Variants in IGBP1C observed in about 807,000 individuals in gnomAD.
IGBP1C encodes the protein immunoglobulin-binding protein 1 family member C.
At chr17:58,661,648 C>G in the IGBP1C span, 1 of 649,342 alleles carries the variant, frequency 1.5e-6, no homozygotes, top group African/African-American at 1.8e-5. Flanking sequence ...TCTGGACACA[C>G]GTAAAGATTC....
the IGBP1C span, among the ~76,000 whole-genome samples, chr17:58,688,829 TG>T: frequency 6.6e-6 from 1 of 152,224 alleles, no homozygotes; most frequent in African/African-American, 2.4e-5. Flanking sequence ...GGGAGATTAC[TG>T]AAGTATCCAG....
chr17:58,677,316 C>T, the IGBP1C span, among the ~76,000 whole-genome samples: 3 of 152,030 alleles, frequency 2.0e-5, no homozygotes, highest in Non-Finnish European at 4.4e-5. Flanking sequence ...GGAAATCCTT[C>T]CTGAGTTTGA....
the IGBP1C span, among the ~76,000 whole-genome samples, chr17:58,668,633 T>C: frequency 6.6e-6 from 1 of 152,216 alleles, no homozygotes; most frequent in Non-Finnish European, 1.5e-5. Flanking sequence ...GGCTGAAATG[T>C]GCCCAAGTGG....
chr17:58,666,342 T>C, the IGBP1C span, among the ~76,000 whole-genome samples: 1 of 150,422 alleles, frequency 6.6e-6, no homozygotes, highest in Non-Finnish European at 1.5e-5. Context: ...AGCAAGACTG[T>C]GTCCCAAAAA....
the IGBP1C span, among the ~76,000 whole-genome samples, chr17:58,668,858 G>A: frequency 1.3e-5 from 2 of 152,094 alleles, no homozygotes; most frequent in Non-Finnish European, 2.9e-5. Flanking sequence ...GGACTGGGGG[G>A]TCAATATATT....
the IGBP1C span, among the ~76,000 whole-genome samples, chr17:58,681,471 A>AAT: frequency 3.9e-5 from 6 of 152,000 alleles, no homozygotes; most frequent in African/African-American, 7.3e-5. Flanking sequence ...AGTATTATGT[A>AAT]ATATATATAT....
At chr17:58,661,282 C>G in the IGBP1C span, 1 of 807,856 alleles carries the variant, frequency 1.2e-6, no homozygotes, top group Non-Finnish European at 2.3e-6. Flanking sequence ...GTTCGCGAGC[C>G]TGCTGCAAAT....
chr17:58,690,124 G>A, the IGBP1C span, among the ~76,000 whole-genome samples: 8 of 151,678 alleles, frequency 5.3e-5, no homozygotes, highest in African/African-American at 1.9e-4. Flanking sequence ...AAATTATACA[G>A]CTATAGATAG....
the IGBP1C span, among the ~76,000 whole-genome samples, chr17:58,689,924 A>G: frequency 5.4e-5 from 8 of 147,450 alleles, no homozygotes; most frequent in Admixed American, 2.8e-4. Flanking sequence ...ATCTAGGCTC[A>G]CTGCAAGCTC....
chr17:58,682,274 T>G, the IGBP1C span, among the ~76,000 whole-genome samples: 116 of 149,952 alleles, frequency 7.7e-4, no homozygotes, highest in Middle Eastern at 3.6e-3. Context: ...TTTTTTTTTT[T>G]TGTGACAGAG....
the IGBP1C span, among the ~76,000 whole-genome samples, chr17:58,672,026 G>A: frequency 6.6e-6 from 1 of 152,126 alleles, no homozygotes; most frequent in African/African-American, 2.4e-5. Flanking sequence ...ACAGGGGGTG[G>A]GTGGGAATGG....
chr17:58,661,456 G>A, the IGBP1C span: 2 of 786,804 alleles, frequency 2.5e-6, no homozygotes, highest in Non-Finnish European at 4.7e-6. Flanking sequence ...CAAGGAGGTC[G>A]AGGCCCTTGA....
At chr17:58,689,810 G>T in the IGBP1C span, among the ~76,000 whole-genome samples, 3 of 151,280 alleles carry the variant, frequency 2.0e-5, no homozygotes, top group Non-Finnish European at 4.4e-5. Context: ...TCTTAAGAAT[G>T]ATGATGAAAA....
the IGBP1C span, among the ~76,000 whole-genome samples, chr17:58,667,678 A>G: frequency 6.6e-6 from 1 of 152,166 alleles, no homozygotes; most frequent in African/African-American, 2.4e-5. Context: ...TGAGGTCAGG[A>G]GTTCGAGACC....
At chr17:58,691,666 C>CAAAA in the IGBP1C span, among the ~76,000 whole-genome samples, 25 of 107,046 alleles carry the variant, frequency 2.3e-4, 2 homozygotes, top group African/African-American at 4.7e-4. Context: ...GACTCTGTCT[C>CAAAA]AAAAAAAAAA....
chr17:58,660,726 G>A, the IGBP1C span: 1 of 781,354 alleles, frequency 1.3e-6, no homozygotes. Context: ...AATTCTTCTG[G>A]TGTTGCCTTG....
At chr17:58,671,973 G>T in the IGBP1C span, among the ~76,000 whole-genome samples, 1 of 152,002 alleles carries the variant, frequency 6.6e-6, no homozygotes, top group Non-Finnish European at 1.5e-5. Context: ...TTGGCACCAG[G>T]GACCAGTTTC....
the IGBP1C span, among the ~76,000 whole-genome samples, chr17:58,690,635 A>G: frequency 0.62 from 94,684 of 151,998 alleles, 29,905 homozygotes; most frequent in African/African-American, 0.71. Flanking sequence ...ATCTCCCTGA[A>G]GATAGTATTT....
chr17:58,687,257 G>A, the IGBP1C span, among the ~76,000 whole-genome samples: 1 of 152,210 alleles, frequency 6.6e-6, no homozygotes, highest in Non-Finnish European at 1.5e-5. Context: ...CTCAGCAGCT[G>A]ACCCCTTCTC....
Sources: gnomAD v4.1 joint callset for allele counts (sites outside exome capture counted in the v4.1 genomes callset) on GRCh38, gnomAD v4.1.1 for gene constraint, MANE v1.5 for transcripts, NCBI Gene and HGNC (gene_info 2026-07-23, HGNC 2026-07-21) for gene names.